The following AFF3 variants were observed in gnomAD, a reference collection of about 807,000 sequenced individuals.
The protein encoded by AFF3 is AF4/FMR2 family member 3.
In AFF3, 32 loss-of-function variants were observed where a neutral mutation model predicts 129.7. The observed-to-expected ratio is 0.25, with a 90% CI of 0.19 to 0.33. The LOEUF (loss-of-function observed/expected upper bound fraction) is 0.33, where lower values mean the gene tolerates loss of function less well. Ranked by LOEUF, AFF3 falls within the 10% of genes least tolerant of loss-of-function variation. The probability of loss-of-function intolerance (pLI) is 1.00; values close to 1 mark genes in which losing one functional copy is unlikely to be tolerated. For missense variants in AFF3, 1,373 were observed against 1,592.0 expected (o/e 0.86, Z 2.34); for synonymous variants, 644 against 635.4 (o/e 1.01, Z -0.20).
At chr2:99,934,896 C>T (rs1256027089) in intron 7 of AFF3, among the ~76,000 whole-genome samples, 1 of 152,186 alleles carries the variant, frequency 6.6e-6, no homozygotes, top group Admixed American at 6.5e-5. Flanking sequence ...GAAGCTGTGG[C>T]TGCTAAGCAT....
At chr2:99,828,133 G>A (rs1040646158) in intron 8 of AFF3, among the ~76,000 whole-genome samples, 16 of 152,174 alleles carry the variant, frequency 1.1e-4, no homozygotes, top group African/African-American at 3.1e-4. Context: ...ACAGACATGC[G>A]GTATCTCTGT....
At chr2:99,644,529 G>A (rs187186241) in intron 13 of AFF3, among the ~76,000 whole-genome samples, 112 of 152,282 alleles carry the variant, frequency 7.4e-4, no homozygotes, top group Non-Finnish European at 1.2e-3. Context: ...ATGCCTGCTC[G>A]CTGAGAGCAG....
intron 8 of AFF3, among the ~76,000 whole-genome samples, chr2:99,836,102 G>A (rs1261679009): frequency 1.3e-5 from 2 of 152,186 alleles, no homozygotes; most frequent in Admixed American, 6.5e-5. Context: ...AAGGTCAAAG[G>A]ATGGATTTCT....
intron 13 of AFF3, among the ~76,000 whole-genome samples, chr2:99,647,228 T>G (rs1445957359): frequency 6.6e-6 from 1 of 152,186 alleles, no homozygotes; most frequent in Non-Finnish European, 1.5e-5. Flanking sequence ...CTGTTCACAG[T>G]AGCAAAGACA....
intron 7 of AFF3, among the ~76,000 whole-genome samples, chr2:99,968,755 C>T (rs900444125): frequency 6.6e-6 from 1 of 152,164 alleles, no homozygotes; most frequent in African/African-American, 2.4e-5. Flanking sequence ...TCATAAAAGG[C>T]ATGGGCAGCC....
chr2:99,852,433 T>C (rs1157375318), intron 7 of AFF3, among the ~76,000 whole-genome samples: 1 of 151,654 alleles, frequency 6.6e-6, no homozygotes, highest in Non-Finnish European at 1.5e-5. Context: ...CATGCCTGAG[T>C]AAAAGAAAAG....
intron 11 of AFF3, among the ~76,000 whole-genome samples, chr2:99,684,316 T>C (rs187989298): frequency 5.1e-4 from 77 of 152,322 alleles, no homozygotes; most frequent in African/African-American, 1.8e-3. Flanking sequence ...GCTCCTGTGA[T>C]TGCAGTGGGG....
At chr2:99,560,204 C>T (rs938940248) in intron 21 of AFF3, among the ~76,000 whole-genome samples, 161 bp downstream of exon 21, 5 of 152,190 alleles carry the variant, frequency 3.3e-5, no homozygotes, top group African/African-American at 7.2e-5. Context: ...ATGTATAGTA[C>T]GGCAGCAAAA....
rs568940489 is a variant in AFF3 at position 99,850,701 on chromosome 2, A to C, written c.874-13177T>G. On this transcript the variant is annotated intron_variant, in intron 7 of 24. Transcript: ENST00000672756. ...CTGGTCATTTCCAACAATTTTATTAATAAAACGTTGAATGGTAAATTTCTG... is the reference window on the plus strand; with the variant it reads ...CTGGTCATTTCCAACAATTTTATTACTAAAACGTTGAATGGTAAATTTCTG... Among the ~76,000 whole-genome samples the C allele has an allele frequency of 8.9e-4, 135 of 152,346 alleles. No individual in the cohort carries two copies. In the Middle Eastern group the frequency reaches 0.01, roughly 12 times the overall value.
intron 8 of AFF3, among the ~76,000 whole-genome samples, chr2:99,817,918 A>G (rs1687367226): frequency 6.6e-6 from 1 of 152,170 alleles, no homozygotes; most frequent in Admixed American, 6.5e-5. Flanking sequence ...TTCTTATCAG[A>G]AGTAAAAAAA....
intron 7 of AFF3, among the ~76,000 whole-genome samples, chr2:99,965,822 C>T (rs1677688487): frequency 1.3e-5 from 2 of 152,280 alleles, no homozygotes; most frequent in Middle Eastern, 3.4e-3. Flanking sequence ...AGATGACGGA[C>T]ATTCTTTCTG....
chr2:100,069,610 T>C (rs189189905), intron 4 of AFF3, among the ~76,000 whole-genome samples: 9 of 152,328 alleles, frequency 5.9e-5, no homozygotes, highest in African/African-American at 1.7e-4. Flanking sequence ...ATGGCTTACA[T>C]AGAGTTAATG....
chr2:99,612,346 A>T (rs757282232), intron 13 of AFF3, among the ~76,000 whole-genome samples: 112 of 152,344 alleles, frequency 7.4e-4, no homozygotes, highest in Non-Finnish European at 1.3e-3. Flanking sequence ...TGCCCATTTT[A>T]TCACCTAGTC....
In AFF3 at chr2:99,737,902, C is replaced by A. The variant is rs926930074; in HGVS notation, c.1039+6202G>T. Among the ~76,000 whole-genome samples, 4 of 151,608 alleles carry A rather than the reference C, an allele frequency of 2.6e-5. No individual in the cohort carries two copies. The East Asian group carries it at 5.8e-4, about 22-fold the overall frequency. On this transcript the variant is annotated intron_variant, in intron 10 of 24. Coordinates refer to ENST00000672756, the MANE Select transcript of AFF3 (RefSeq NM_001386135.1). Reference sequence around the variant, plus strand: ...AATTCAACTTTCCAATTCATTAATTCTTTCTCAGCTATGTCTAATGTGCTG... The same window carrying A: ...AATTCAACTTTCCAATTCATTAATTATTTCTCAGCTATGTCTAATGTGCTG...
intron 11 of AFF3, among the ~76,000 whole-genome samples, chr2:99,682,067 C>T (rs188843194): frequency 2.2e-4 from 33 of 152,086 alleles, no homozygotes; most frequent in Admixed American, 7.2e-4. Context: ...CCACCACACC[C>T]GGCTCATTTT....
At chr2:99,944,576 T>C (rs1026695892) in intron 7 of AFF3, among the ~76,000 whole-genome samples, 1 of 152,184 alleles carries the variant, frequency 6.6e-6, no homozygotes, top group Non-Finnish European at 1.5e-5. Context: ...TCACCTTCCA[T>C]GCAGGTCAAT....
At chr2:99,900,161 C>G (rs1182743882) in intron 7 of AFF3, among the ~76,000 whole-genome samples, 1 of 152,188 alleles carries the variant, frequency 6.6e-6, no homozygotes, top group East Asian at 1.9e-4. Context: ...AGAAATTATA[C>G]TGGCAAGGTT....
chr2:99,807,644 T>C (rs540395859), intron 8 of AFF3, among the ~76,000 whole-genome samples: 2 of 152,298 alleles, frequency 1.3e-5, no homozygotes, highest in Admixed American at 1.3e-4. Flanking sequence ...AAGGCAGGCC[T>C]CAATTGGCCT....
intron 14 of AFF3, among the ~76,000 whole-genome samples, chr2:99,597,176 TAAAGACC>T (rs1490435094): frequency 6.6e-6 from 1 of 152,224 alleles, no homozygotes; most frequent in Admixed American, 6.5e-5. Context: ...CATCTAGGTT[TAAAGACC>T]AATTGTCTCC....
Sources: allele counts gnomAD v4.1 joint callset (sites outside exome capture counted in the v4.1 genomes callset), GRCh38; gene constraint gnomAD v4.1.1; transcripts MANE v1.5; gene names NCBI Gene and HGNC (gene_info 2026-07-23, HGNC 2026-07-21).